The following NTNG1 variants were observed in gnomAD, a reference collection of about 807,000 sequenced individuals.
NTNG1 encodes the protein netrin G1.
A neutral mutation model predicts 54.0 loss-of-function variants in NTNG1; 16 were observed. The observed-to-expected ratio is 0.30, with a 90% CI of 0.20 to 0.45. The LOEUF (loss-of-function observed/expected upper bound fraction) is 0.45. Among genes scored for constraint, NTNG1 ranks in the 20% least tolerant of loss-of-function variants. The pLI, the probability that NTNG1 is intolerant of heterozygous loss-of-function variation, is 1.00. For missense variants in NTNG1, 530 were observed against 678.7 expected, an observed-to-expected ratio of 0.78 and a Z score of 2.43; for synonymous variants, 255 against 263.1, an observed-to-expected ratio of 0.97 and a Z score of 0.30.
chr1:107,192,435 T>C (rs917196330), intron 2 of NTNG1, among the ~76,000 whole-genome samples: 6 of 152,032 alleles, frequency 3.9e-5, no homozygotes, highest in African/African-American at 1.4e-4. Context: ...TTCTAATGTG[T>C]CTCACTATGG....
chr1:107,200,159 T>G (rs1369098175), intron 2 of NTNG1, among the ~76,000 whole-genome samples: 1 of 151,836 alleles, frequency 6.6e-6, no homozygotes, highest in Non-Finnish European at 1.5e-5. Flanking sequence ...CTCTGACTGA[T>G]ACATTAGGGT....
intron 2 of NTNG1, among the ~76,000 whole-genome samples, chr1:107,216,084 A>G (rs1009370800): frequency 6.6e-6 from 1 of 152,164 alleles, no homozygotes; most frequent in Non-Finnish European, 1.5e-5. Flanking sequence ...CAATCATGTC[A>G]TCAGCAAACA....
At chr1:107,210,612 T>C (rs933527879) in intron 2 of NTNG1, among the ~76,000 whole-genome samples, 1 of 152,204 alleles carries the variant, frequency 6.6e-6, no homozygotes, top group Admixed American at 6.5e-5. Context: ...TTTCAATGTA[T>C]TTCTTCATCT....
intron 7 of NTNG1, among the ~76,000 whole-genome samples, chr1:107,479,102 C>T (rs1462413796): frequency 6.6e-6 from 1 of 152,190 alleles, no homozygotes; most frequent in Non-Finnish European, 1.5e-5. Flanking sequence ...AGATAGCAAA[C>T]GTGGATACAT....
intron 2 of NTNG1, among the ~76,000 whole-genome samples, chr1:107,214,705 C>A (rs143124219): frequency 2.8e-4 from 42 of 152,186 alleles, no homozygotes; most frequent in African/African-American, 9.6e-4. Flanking sequence ...AAGGAATCTT[C>A]ACACTGTTTG....
chr1:107,272,179 T>C (rs72983547), intron 2 of NTNG1, among the ~76,000 whole-genome samples: 1 of 152,210 alleles, frequency 6.6e-6, no homozygotes, highest in African/African-American at 2.4e-5. Context: ...AATAATAGTA[T>C]TGTCTAGATT....
chr1:107,250,008 G>A (rs74108670), intron 2 of NTNG1, among the ~76,000 whole-genome samples: 2 of 152,086 alleles, frequency 1.3e-5, no homozygotes, highest in East Asian at 3.9e-4. Flanking sequence ...CAGTGTAGGG[G>A]CAGGGAGAAG....
At chr1:107,394,691 T>A (rs1378029939) in intron 3 of NTNG1, among the ~76,000 whole-genome samples, 1 of 152,238 alleles carries the variant, frequency 6.6e-6, no homozygotes, top group Non-Finnish European at 1.5e-5. Context: ...ATTATTTTAA[T>A]GGTTATCTTC....
chr1:107,301,689 T>A (rs912203380), intron 2 of NTNG1, among the ~76,000 whole-genome samples: 2 of 152,206 alleles, frequency 1.3e-5, no homozygotes, highest in Non-Finnish European at 2.9e-5. Context: ...TTCCTTCTTC[T>A]TCATTGTGAT....
chr1:107,467,812 C>T (rs762239872), intron 7 of NTNG1, among the ~76,000 whole-genome samples: 9 of 152,206 alleles, frequency 5.9e-5, no homozygotes, highest in Non-Finnish European at 1.3e-4. Flanking sequence ...AATGTTTGGT[C>T]TCCAGTGCAG....
chr1:107,144,204 T>C (rs1653942378), intron 1 of NTNG1, among the ~76,000 whole-genome samples: 1 of 152,122 alleles, frequency 6.6e-6, no homozygotes, highest in African/African-American at 2.4e-5. Flanking sequence ...AAGCTGCTAA[T>C]TTTGATAGGT....
intron 2 of NTNG1, among the ~76,000 whole-genome samples, chr1:107,283,143 C>T (rs1171713913): frequency 6.6e-6 from 1 of 152,148 alleles, no homozygotes; most frequent in Non-Finnish European, 1.5e-5. Flanking sequence ...AAGGCTCTTA[C>T]CATTTTTGCC....
intron 2 of NTNG1, among the ~76,000 whole-genome samples, chr1:107,184,795 T>TC (rs1320475069): frequency 2.0e-5 from 3 of 152,172 alleles, no homozygotes; most frequent in African/African-American, 7.2e-5. Flanking sequence ...CTTAAATCTT[T>TC]CCAAAACCAC....
At chr1:107,271,468 C>G (rs1318715456) in intron 2 of NTNG1, among the ~76,000 whole-genome samples, 1 of 152,022 alleles carries the variant, frequency 6.6e-6, no homozygotes, top group Admixed American at 6.6e-5. Flanking sequence ...AATTAATTCC[C>G]TATACTCAGA....
chr1:107,164,291 C>A (rs1347561053), intron 2 of NTNG1, among the ~76,000 whole-genome samples: 1 of 152,174 alleles, frequency 6.6e-6, no homozygotes, highest in African/African-American at 2.4e-5. Flanking sequence ...TGGTCCCAAG[C>A]ACCATGCAGG....
rs572615706 is a variant in NTNG1 at position 107,473,024 on chromosome 1, G to A, written c.1391-7587G>A. On this transcript the variant is annotated intron_variant, in intron 7 of 7. Transcript: ENST00000370068. Reference sequence around the variant, plus strand: ...TACCTTTGTTATTAGCCTGTTTGGTGGAGGTTATTCACTCTTTGATGTTTC... The same window carrying A: ...TACCTTTGTTATTAGCCTGTTTGGTAGAGGTTATTCACTCTTTGATGTTTC... 2.6e-5 allele frequency among the ~76,000 whole-genome samples: 4 copies of A among 152,238 alleles called. No homozygotes were observed. The South Asian group carries it at 8.3e-4, about 32-fold the overall frequency.
At chr1:107,237,146 G>T (rs1213687265) in intron 2 of NTNG1, among the ~76,000 whole-genome samples, 1 of 152,170 alleles carries the variant, frequency 6.6e-6, no homozygotes, top group Admixed American at 6.5e-5. Context: ...TCCCAGCAGA[G>T]GTGGTCTTAG....
chr1:107,365,670 A>G (rs1158033316), intron 3 of NTNG1, among the ~76,000 whole-genome samples: 2 of 152,204 alleles, frequency 1.3e-5, no homozygotes, highest in Non-Finnish European at 2.9e-5. Context: ...TATTTTTTCT[A>G]TATGCCACTT....
chr1:107,177,888 G>A (rs373917154), intron 2 of NTNG1, among the ~76,000 whole-genome samples: 48 of 152,150 alleles, frequency 3.2e-4, no homozygotes, highest in Admixed American at 1.7e-3. Context: ...CAACTTTCAG[G>A]ACCACATTGT....
Sources: allele counts gnomAD v4.1 joint callset (sites outside exome capture counted in the v4.1 genomes callset), GRCh38; gene constraint gnomAD v4.1.1; transcripts MANE v1.5; gene names NCBI Gene and HGNC (gene_info 2026-07-23, HGNC 2026-07-21).